SINHCAF: variants seen among roughly 807,000 people sequenced by gnomAD.
SINHCAF encodes the protein SIN3-HDAC complex associated factor, also known as SIN3-HDAC complex-associated factor.
Under a neutral mutation model 25.8 loss-of-function variants are expected in SINHCAF, and 3 were observed. The observed-to-expected ratio is 0.12, with a 90% CI of 0.05 to 0.30. The LOEUF (loss-of-function observed/expected upper bound fraction) is 0.30, where lower values mean the gene tolerates loss of function less well. SINHCAF is among the 10% of genes least tolerant of loss of function. The probability of loss-of-function intolerance (pLI) is 1.00; values close to 1 mark genes in which losing one functional copy is unlikely to be tolerated. For missense variants in SINHCAF, 121 were observed against 262.3 expected, an observed-to-expected ratio of 0.46 and a Z score of 3.72; for synonymous variants, 70 against 85.5, an observed-to-expected ratio of 0.82 and a Z score of 1.00.
chr12:31,305,310 C>T (rs778899999), intron 1 of SINHCAF, among the ~76,000 whole-genome samples: 5 of 152,188 alleles, frequency 3.3e-5, no homozygotes, highest in Admixed American at 6.5e-5. Context: ...CTCCCAGGAG[C>T]GCACTGTGGG....
At position 31,326,146 on chromosome 12, in the gene SINHCAF, G is replaced by A. The variant is rs1003504478; in HGVS notation, c.-143C>T. ...TTGTCTAGAAAGATAGTCTCCTGCA[G>A]TTCTGCAGTTGCTACCGCTGGCCGG... On this transcript the variant is annotated 5_prime_UTR_variant, in exon 1 of 6. Transcript: ENST00000337682. 3 of 152,284 alleles carry A rather than the reference G, an allele frequency of 2.0e-5. No individual in the cohort carries two copies. Among genetic ancestry groups the A allele is most frequent in the African/African-American group, 7.2e-5 (3 of 41,468 alleles). 9.4% of individuals were successfully genotyped at this position (152,284 alleles called of 1,614,324 possible).
intron 1 of SINHCAF, among the ~76,000 whole-genome samples, chr12:31,307,053 T>C (rs1219056477): frequency 6.6e-6 from 1 of 152,066 alleles, no homozygotes. Flanking sequence ...GGGTAAAAAG[T>C]TGGGTGTGTC....
chr12:31,326,095 C>G lies in SINHCAF; in HGVS notation c.-92G>C, dbSNP rs945559472. ...GAGTGCACGCCAGGCCAGTCCCCCT[C>G]AAGCGCTCCCTCCTCCTCAACTGCC... On this transcript the variant is annotated 5_prime_UTR_variant, in exon 1 of 6. Transcript: ENST00000337682. 1.3e-5 allele frequency: 2 copies of G among 152,344 alleles called. No homozygotes were observed. The highest frequency in any genetic ancestry group is 1.3e-4 in the Admixed American group (2 of 15,286). The allele number at this position is 152,344 out of a possible 1,614,324, so 9.4% of individuals were successfully genotyped here.
intron 4 of SINHCAF, among the ~76,000 whole-genome samples, chr12:31,289,797 T>C (rs1565490298): frequency 8.8e-6 from 1 of 114,042 alleles, no homozygotes; most frequent in Non-Finnish European, 2.0e-5. Context: ...AAAGAAAATT[T>C]GGGTTTTTTT....
chr12:31,308,400 C>G (rs1939121811), intron 1 of SINHCAF, among the ~76,000 whole-genome samples: 1 of 152,144 alleles, frequency 6.6e-6, no homozygotes, highest in Non-Finnish European at 1.5e-5. Flanking sequence ...CAAGAACCCT[C>G]TAAGCTATTT....
At chr12:31,284,859 T>G (rs1565487616) in intron 5 of SINHCAF, among the ~76,000 whole-genome samples, 1 of 152,190 alleles carries the variant, frequency 6.6e-6, no homozygotes, top group Non-Finnish European at 1.5e-5. Flanking sequence ...CTTCATAATA[T>G]GTCTTGATTT....
At chr12:31,320,515 G>C (rs888578738) in intron 1 of SINHCAF, among the ~76,000 whole-genome samples, 1 of 152,100 alleles carries the variant, frequency 6.6e-6, no homozygotes, top group Non-Finnish European at 1.5e-5. Context: ...ATTACAACCA[G>C]GTGCTGGCTG....
chr12:31,283,633 A>C (rs1399028376), intron 5 of SINHCAF, among the ~76,000 whole-genome samples: 2 of 152,002 alleles, frequency 1.3e-5, no homozygotes, highest in Non-Finnish European at 1.5e-5. Context: ...GTGTGTTAGC[A>C]AAGGCATCAA....
intron 1 of SINHCAF, chr12:31,304,916 C>G (rs1328445263): frequency 6.6e-6 from 1 of 152,182 alleles, no homozygotes; most frequent in Admixed American, 6.5e-5. Flanking sequence ...TGAGTCAAAG[C>G]AGACAAGGCC....
intron 1 of SINHCAF, chr12:31,303,010 ATCTG>A (rs1163922935): frequency 4.1e-6 from 4 of 985,260 alleles, no homozygotes; most frequent in East Asian, 1.1e-4. Flanking sequence ...TCAATCATCT[ATCTG>A]TCTATCTACA....
chr12:31,323,657 C>A (rs994643834), intron 1 of SINHCAF, among the ~76,000 whole-genome samples: 2 of 152,138 alleles, frequency 1.3e-5, no homozygotes, highest in African/African-American at 4.8e-5. Context: ...GAAACCAACT[C>A]CCCCTACACC....
chr12:31,282,943 C>G, intron 5 of SINHCAF, 72 bp from the exon 6 acceptor site: 1 of 1,125,524 alleles, frequency 8.9e-7, no homozygotes, highest in Non-Finnish European at 1.3e-6. Context: ...AATCTACTCA[C>G]TATTATAACT....
At chr12:31,288,445 G>T (rs1938164603) in intron 4 of SINHCAF, among the ~76,000 whole-genome samples, 1 of 152,100 alleles carries the variant, frequency 6.6e-6, no homozygotes, top group African/African-American at 2.4e-5. Context: ...CTATACCAGG[G>T]TGGTGTCAGA....
In SINHCAF at chr12:31,287,627, C is replaced by T; in HGVS notation, c.506+7G>A. On this transcript the variant is annotated splice_region_variant and intron_variant, in intron 5 of 5. Coordinates refer to ENST00000337682, the MANE Select transcript of SINHCAF (RefSeq NM_001135812.2). The stretch of plus-strand genomic sequence containing the variant: ...TGCTGGTTAGAGAGATACTTTGTTT[C>T]TTTTACCTTTTCCAGTAAGTGAGAT... 1 of 1,586,120 alleles carries T rather than the reference C, an allele frequency of 6.3e-7. No individual in the cohort carries two copies. Among genetic ancestry groups the T allele is most frequent in the Non-Finnish European group, 8.6e-7 (1 of 1,162,882 alleles).
At chr12:31,323,444 A>G (rs2137145429) in intron 1 of SINHCAF, among the ~76,000 whole-genome samples, 1 of 152,342 alleles carries the variant, frequency 6.6e-6, no homozygotes, top group South Asian at 2.1e-4. Flanking sequence ...AGCTTTTCTT[A>G]ACCCTCCTTA....
chr12:31,294,701 A>G (rs1481875125), intron 3 of SINHCAF, among the ~76,000 whole-genome samples: 1 of 152,240 alleles, frequency 6.6e-6, no homozygotes, highest in Admixed American at 6.5e-5. Context: ...GGACAATGTA[A>G]GGCTAGTGTG....
intron 1 of SINHCAF, among the ~76,000 whole-genome samples, chr12:31,314,277 G>A (rs113244741): frequency 8.5e-4 from 129 of 152,204 alleles, no homozygotes; most frequent in African/African-American, 3.0e-3. Flanking sequence ...TGTAATCCCA[G>A]CAGTTTAGGA....
At chr12:31,297,228 T>C (rs918240987) in intron 2 of SINHCAF, among the ~76,000 whole-genome samples, 9 of 152,156 alleles carry the variant, frequency 5.9e-5, no homozygotes, top group African/African-American at 1.9e-4. Flanking sequence ...TATTTTAGTA[T>C]CTTCATTTCC....
intron 1 of SINHCAF, chr12:31,311,952 TG>T: frequency 1.6e-6 from 1 of 634,956 alleles, no homozygotes. Context: ...TGATTGGTCC[TG>T]GGTGCCCCTG....
Sources: allele counts gnomAD v4.1 joint callset (sites outside exome capture counted in the v4.1 genomes callset), GRCh38; gene constraint gnomAD v4.1.1; transcripts MANE v1.5; gene names NCBI Gene and HGNC (gene_info 2026-07-23, HGNC 2026-07-21).